The following GPR158 variants were observed in gnomAD, a reference collection of about 807,000 sequenced individuals.
GPR158 encodes the protein metabotropic glycine receptor.
In GPR158, 30 loss-of-function variants were observed where a neutral mutation model predicts 78.2. The observed-to-expected ratio is 0.38, with a 90% CI of 0.29 to 0.52. The LOEUF (loss-of-function observed/expected upper bound fraction) is 0.52, where lower values mean the gene tolerates loss of function less well. Among genes scored for constraint, GPR158 ranks in the 20% least tolerant of loss-of-function variants. The probability of loss-of-function intolerance (pLI) is 0.83; values close to 1 mark genes in which losing one functional copy is unlikely to be tolerated. For missense variants in GPR158, 1,463 were observed against 1,523.5 expected, an observed-to-expected ratio of 0.96 and a Z score of 0.66; for synonymous variants, 581 against 591.1, an observed-to-expected ratio of 0.98 and a Z score of 0.25.
chr10:25,571,003 A>T (rs2130730438), intron 6 of GPR158, among the ~76,000 whole-genome samples: 1 of 152,348 alleles, frequency 6.6e-6, no homozygotes, highest in Admixed American at 6.5e-5. Context: ...AACAGTGGGC[A>T]TAATTTGGGA....
chr10:25,238,106 C>T (rs974144019), intron 2 of GPR158, among the ~76,000 whole-genome samples: 4 of 149,384 alleles, frequency 2.7e-5, no homozygotes, highest in Admixed American at 6.7e-5. Flanking sequence ...ATCGCTACTT[C>T]GCAGAAGGAA....
chr10:25,377,350 T>G, intron 2 of GPR158, among the ~76,000 whole-genome samples: 1 of 152,108 alleles, frequency 6.6e-6, no homozygotes, highest in East Asian at 1.9e-4. Context: ...ATGTCTTCTT[T>G]TATTTACTTA....
At position 25,211,153 on chromosome 10, in the gene GPR158, A is replaced by G. The variant is rs1005766697; in HGVS notation, c.903-9899A>G. The stretch of plus-strand genomic sequence containing the variant: ...CTCAAGAAAAAAGAAAAAAAAAAAA[A>G]CAGAATTTTAAAAAATTTCTGATGT... On this transcript the variant is annotated intron_variant, in intron 1 of 10. Coordinates refer to ENST00000376351, the MANE Select transcript of GPR158 (RefSeq NM_020752.3). 2.7e-5 allele frequency among the ~76,000 whole-genome samples: 4 copies of G among 150,888 alleles called. No individual in the cohort carries two copies. In the South Asian group the frequency reaches 6.3e-4, roughly 24 times the overall value.
chr10:25,533,398 A>T (rs1161732063), intron 5 of GPR158, among the ~76,000 whole-genome samples: 5 of 152,150 alleles, frequency 3.3e-5, no homozygotes, highest in African/African-American at 1.2e-4. Context: ...ACTTATATAT[A>T]TTTTAAACCA....
intron 7 of GPR158, among the ~76,000 whole-genome samples, chr10:25,576,227 T>C (rs1837093648): frequency 6.6e-6 from 1 of 152,158 alleles, no homozygotes; most frequent in South Asian, 2.1e-4. Flanking sequence ...GTCTCCAGTG[T>C]CCATTATACC....
chr10:25,283,774 T>G (rs970331822), intron 2 of GPR158, among the ~76,000 whole-genome samples: 5 of 152,054 alleles, frequency 3.3e-5, no homozygotes, highest in African/African-American at 1.2e-4. Context: ...GCACTACTTT[T>G]GCTGAATTCA....
At chr10:25,293,730 T>A (rs908481980) in intron 2 of GPR158, among the ~76,000 whole-genome samples, 1 of 140,604 alleles carries the variant, frequency 7.1e-6, no homozygotes, top group African/African-American at 2.7e-5. Context: ...TTTAATAAAG[T>A]TCTTTAAACC....
intron 2 of GPR158, among the ~76,000 whole-genome samples, chr10:25,282,479 C>T (rs776046014): frequency 2.0e-5 from 3 of 152,016 alleles, no homozygotes; most frequent in Non-Finnish European, 4.4e-5. Context: ...TTTTATTTCT[C>T]TTGGTATATA....
chr10:25,430,685 C>T (rs1320534237), intron 4 of GPR158, among the ~76,000 whole-genome samples: 1 of 143,992 alleles, frequency 6.9e-6, no homozygotes, highest in Admixed American at 7.0e-5. Flanking sequence ...TGGAACAGAA[C>T]AGAGCCCTCA....
chr10:25,416,976 A>C (rs560416569), intron 4 of GPR158, among the ~76,000 whole-genome samples: 1 of 152,168 alleles, frequency 6.6e-6, no homozygotes, highest in Non-Finnish European at 1.5e-5. Context: ...GTTCTCACCC[A>C]GTGCCAGCAG....
intron 4 of GPR158, among the ~76,000 whole-genome samples, chr10:25,421,717 A>C (rs1834754352): frequency 6.6e-6 from 1 of 152,202 alleles, no homozygotes; most frequent in South Asian, 2.1e-4. Flanking sequence ...AAAATATCAC[A>C]TTATTAAAAC....
intron 4 of GPR158, among the ~76,000 whole-genome samples, chr10:25,446,471 T>C (rs988517399): frequency 6.6e-6 from 1 of 152,124 alleles, no homozygotes; most frequent in Admixed American, 6.5e-5. Context: ...TTTGTACTGA[T>C]TTAACATTAA....
chr10:25,565,972 C>T (rs1329338777), intron 6 of GPR158, among the ~76,000 whole-genome samples: 2 of 151,942 alleles, frequency 1.3e-5, no homozygotes, highest in East Asian at 1.9e-4. Context: ...ATATGTGTGG[C>T]GGGAAGATGT....
At chr10:25,454,485 T>G (rs1029304941) in intron 4 of GPR158, among the ~76,000 whole-genome samples, 3 of 152,188 alleles carry the variant, frequency 2.0e-5, no homozygotes, top group Admixed American at 2.0e-4. Flanking sequence ...AATATGTGCC[T>G]TACTTGAAGA....
At chr10:25,576,420 T>C (rs1436165384) in intron 7 of GPR158, among the ~76,000 whole-genome samples, 2 of 152,170 alleles carry the variant, frequency 1.3e-5, no homozygotes, top group African/African-American at 4.8e-5. Flanking sequence ...ACTTTACTCC[T>C]CCTAAATTCT....
At chr10:25,579,206 G>C (rs1448496094) in intron 7 of GPR158, among the ~76,000 whole-genome samples, 1 of 148,672 alleles carries the variant, frequency 6.7e-6, no homozygotes, top group Non-Finnish European at 1.5e-5. Flanking sequence ...GCAGTCAATT[G>C]TCCATGTTCA....
intron 5 of GPR158, among the ~76,000 whole-genome samples, chr10:25,524,737 T>C (rs567325588): frequency 1.3e-5 from 2 of 152,326 alleles, no homozygotes; most frequent in South Asian, 2.1e-4. Context: ...CAATGGTTTC[T>C]TAGATATGAC....
chr10:25,363,918 C>A (rs1057149956), intron 2 of GPR158, among the ~76,000 whole-genome samples: 3 of 151,140 alleles, frequency 2.0e-5, no homozygotes, highest in Non-Finnish European at 4.4e-5. Context: ...GTTACTTAAG[C>A]ACTCTACCCT....
chr10:25,306,824 T>C (rs985092907), intron 2 of GPR158, among the ~76,000 whole-genome samples: 2 of 152,194 alleles, frequency 1.3e-5, no homozygotes, highest in African/African-American at 4.8e-5. Context: ...TAGATCTTCA[T>C]TTTTCACCTG....
Sources: gnomAD v4.1 joint callset for allele counts (sites outside exome capture counted in the v4.1 genomes callset) on GRCh38, gnomAD v4.1.1 for gene constraint, MANE v1.5 for transcripts, NCBI Gene and HGNC (gene_info 2026-07-23, HGNC 2026-07-21) for gene names.